ATRNL1: variants seen among roughly 807,000 people sequenced by gnomAD.
The protein encoded by ATRNL1 is attractin-like protein 1.
ATRNL1 carries 95 observed loss-of-function variants against 182.7 expected under a neutral mutation model. The observed-to-expected ratio is 0.52, with a 90% CI of 0.44 to 0.62. The LOEUF (loss-of-function observed/expected upper bound fraction) is 0.62, where lower values mean the gene tolerates loss of function less well. Among genes scored for constraint, ATRNL1 ranks in the 20% least tolerant of loss-of-function variants. The probability of loss-of-function intolerance (pLI) is 0.00; values close to 1 mark genes in which losing one functional copy is unlikely to be tolerated. For synonymous variants in ATRNL1, 576 were observed against 568.3 expected (o/e 1.01, Z -0.19); for missense variants, 1,471 against 1,679.5 (o/e 0.88, Z 2.17).
At chr10:115,482,962 A>T (rs1485475912) in intron 24 of ATRNL1, among the ~76,000 whole-genome samples, 2 of 151,404 alleles carry the variant, frequency 1.3e-5, no homozygotes, top group East Asian at 1.9e-4. Context: ...AGTAGGGGAT[A>T]ATCTGTTTGC....
At chr10:115,338,888 A>G (rs1306283951) in intron 19 of ATRNL1, among the ~76,000 whole-genome samples, 1 of 151,792 alleles carries the variant, frequency 6.6e-6, no homozygotes, top group African/African-American at 2.4e-5. Context: ...TTTATACCAT[A>G]TGCTTTTTAT....
intron 26 of ATRNL1, among the ~76,000 whole-genome samples, chr10:115,637,126 G>A (rs1555028466): frequency 6.6e-6 from 1 of 152,140 alleles, no homozygotes. Context: ...AATGTCCATG[G>A]TGTATTATCT....
chr10:115,748,174 G>A (rs1948346927), intron 27 of ATRNL1, among the ~76,000 whole-genome samples: 1 of 151,848 alleles, frequency 6.6e-6, no homozygotes, highest in Non-Finnish European at 1.5e-5. Context: ...TACTGCTATT[G>A]CTTTTCTGAT....
At chr10:115,299,551 T>C (rs1312238892) in intron 15 of ATRNL1, among the ~76,000 whole-genome samples, 1 of 152,158 alleles carries the variant, frequency 6.6e-6, no homozygotes, top group African/African-American at 2.4e-5. Flanking sequence ...GGTCTTGTTA[T>C]GAAGTCTTCA....
chr10:115,732,897 G>C (rs1947841933), intron 27 of ATRNL1, among the ~76,000 whole-genome samples: 1 of 152,090 alleles, frequency 6.6e-6, no homozygotes, highest in Non-Finnish European at 1.5e-5. Flanking sequence ...GGATCTTAAG[G>C]AAGAACTTTC....
chr10:115,323,561 C>T (rs1391561732), intron 18 of ATRNL1, among the ~76,000 whole-genome samples: 4 of 151,528 alleles, frequency 2.6e-5, no homozygotes, highest in Non-Finnish European at 4.4e-5. Flanking sequence ...TCTCCTGCCT[C>T]AGCCTCCTGA....
At chr10:115,796,989 T>A (rs1409880361) in intron 27 of ATRNL1, among the ~76,000 whole-genome samples, 1 of 152,182 alleles carries the variant, frequency 6.6e-6, no homozygotes, top group Non-Finnish European at 1.5e-5. Flanking sequence ...TCCATATAGT[T>A]TCAACCTTAT....
At chr10:115,240,334 C>T (rs1248430685) in intron 9 of ATRNL1, among the ~76,000 whole-genome samples, 1 of 151,640 alleles carries the variant, frequency 6.6e-6, no homozygotes, top group African/African-American at 2.4e-5. Context: ...TCACTGCAAC[C>T]TCCGCCTCCC....
At chr10:115,534,382 C>A (rs1851820683) in intron 25 of ATRNL1, among the ~76,000 whole-genome samples, 7 of 152,114 alleles carry the variant, frequency 4.6e-5, no homozygotes, top group Admixed American at 4.6e-4. Flanking sequence ...CTCTTCTGAT[C>A]TTTGTTGGTT....
intron 24 of ATRNL1, among the ~76,000 whole-genome samples, chr10:115,502,302 A>G (rs1282362181): frequency 6.6e-6 from 1 of 152,084 alleles, no homozygotes; most frequent in African/African-American, 2.4e-5. Flanking sequence ...GGACCCTAAT[A>G]TCTTAAAGGA....
chr10:115,187,675 T>G (rs570005257), intron 8 of ATRNL1, among the ~76,000 whole-genome samples: 1,512 of 149,306 alleles, frequency 0.01, 8 homozygotes, highest in Middle Eastern at 0.017. Flanking sequence ...GCTTGGTTTT[T>G]TTTTTTTTTT....
chr10:115,545,746 T>G (rs10466206), intron 25 of ATRNL1, among the ~76,000 whole-genome samples: 16,466 of 152,210 alleles, frequency 0.11, 2,967 homozygotes, highest in African/African-American at 0.37. Flanking sequence ...CTACTGAATA[T>G]AAGTAACTTT....
At chr10:115,909,989 AC>A (rs1470541130) in intron 28 of ATRNL1, among the ~76,000 whole-genome samples, 2 of 152,312 alleles carry the variant, frequency 1.3e-5, no homozygotes, top group South Asian at 2.1e-4. Flanking sequence ...GGATGTTGCA[AC>A]CTGATTTGGG....
chr10:115,694,711 AATG>A, intron 26 of ATRNL1, among the ~76,000 whole-genome samples: 1 of 152,210 alleles, frequency 6.6e-6, no homozygotes, highest in Non-Finnish European at 1.5e-5. Context: ...AGTGGAACAC[AATG>A]ATATTATAAA....
chr10:115,211,141 G>A (rs936522359), intron 8 of ATRNL1, among the ~76,000 whole-genome samples: 1 of 150,724 alleles, frequency 6.6e-6, no homozygotes, highest in Non-Finnish European at 1.5e-5. Flanking sequence ...ATGCTGGTGC[G>A]CTGCACCCAC....
intron 22 of ATRNL1, among the ~76,000 whole-genome samples, chr10:115,466,739 A>C (rs1457729023): frequency 6.6e-6 from 1 of 151,138 alleles, no homozygotes; most frequent in Non-Finnish European, 1.5e-5. Context: ...AATAATAAAA[A>C]TGTACACCTA....
At chr10:115,442,519 G>A (rs1554965974) in intron 21 of ATRNL1, among the ~76,000 whole-genome samples, 1 of 151,920 alleles carries the variant, frequency 6.6e-6, no homozygotes, top group African/African-American at 2.4e-5. Context: ...GATATTTTAG[G>A]CATGACAGGC....
intron 26 of ATRNL1, among the ~76,000 whole-genome samples, chr10:115,580,985 C>G (rs782425340): frequency 5.2e-4 from 79 of 152,190 alleles, no homozygotes; most frequent in Non-Finnish European, 5.0e-4. Flanking sequence ...ATGACTGTTT[C>G]TTTGAATTTT....
chr10:115,370,987 A>G (rs1038551334), intron 19 of ATRNL1, among the ~76,000 whole-genome samples: 16 of 152,296 alleles, frequency 1.1e-4, no homozygotes, highest in African/African-American at 2.9e-4. Flanking sequence ...TAGCCGCTCC[A>G]GCCATGAATA....
Sources: gnomAD v4.1 joint callset for allele counts (sites outside exome capture counted in the v4.1 genomes callset) on GRCh38, gnomAD v4.1.1 for gene constraint, MANE v1.5 for transcripts, NCBI Gene and HGNC (gene_info 2026-07-23, HGNC 2026-07-21) for gene names.